DST: variants seen among roughly 807,000 people sequenced by gnomAD.
DST encodes the protein dystonin.
Under a neutral mutation model 875.2 loss-of-function variants are expected in DST, and 253 were observed. The ratio of observed to expected loss-of-function variants is 0.29; its 90% confidence interval spans 0.26 to 0.32. The LOEUF (loss-of-function observed/expected upper bound fraction) is 0.32, where lower values mean the gene tolerates loss of function less well. DST is among the 10% of genes least tolerant of loss of function. The pLI is 1.00. For missense variants in DST, 8,287 were observed against 9,111.6 expected (o/e 0.91, Z 3.68); for synonymous variants, 3,124 against 3,197.1 (o/e 0.98, Z 0.77).
At chr6:56,471,558 T>G (rs1260951904) in intron 94 of DST, among the ~76,000 whole-genome samples, 1 of 152,188 alleles carries the variant, frequency 6.6e-6, no homozygotes, top group Non-Finnish European at 1.5e-5. Context: ...CCACTAGTCA[T>G]GCTCACTGGG....
chr6:56,777,085 G>C (rs1336638448), intron 4 of DST, among the ~76,000 whole-genome samples: 1 of 152,144 alleles, frequency 6.6e-6, no homozygotes, highest in Admixed American at 6.5e-5. Flanking sequence ...TCTTCATGCA[G>C]AGACAAAAAT....
At chr6:56,619,312 T>C (rs1400399341) in intron 36 of DST, 3 of 1,612,086 alleles carry the variant, frequency 1.9e-6, no homozygotes, top group Non-Finnish European at 2.5e-6. Flanking sequence ...CCTCTACTTT[T>C]TGTTTTAGCA....
intron 10 of DST, among the ~76,000 whole-genome samples, chr6:56,660,218 T>C (rs1200895309): frequency 6.6e-6 from 1 of 152,198 alleles, no homozygotes; most frequent in Non-Finnish European, 1.5e-5. Context: ...GTGCTTCCTG[T>C]GTGGGGACAT....
chr6:56,544,518 C>T (rs2097190645), intron 61 of DST, among the ~76,000 whole-genome samples: 1 of 151,978 alleles, frequency 6.6e-6, no homozygotes, highest in Admixed American at 6.6e-5. Flanking sequence ...TTAAATGATT[C>T]AAAAAAATAG....
intron 3 of DST, among the ~76,000 whole-genome samples, chr6:56,885,443 C>T (rs1342566740): frequency 6.6e-6 from 1 of 152,056 alleles, no homozygotes; most frequent in African/African-American, 2.4e-5. Flanking sequence ...ACCAAGAGTG[C>T]ACAAGGGTAT....
At position 56,650,933 on chromosome 6, in the gene DST, C is replaced by T; in HGVS notation, c.1427G>A (p.Gly476Asp). The T allele has an allele frequency of 1.2e-6, 2 of 1,605,976 alleles. No individual in the cohort carries two copies. The highest frequency in any genetic ancestry group is 1.7e-6 in the Non-Finnish European group (2 of 1,173,310). Residue 476 changes from glycine to aspartate, a missense_variant, in exon 12 of 104, where the codon GGT (glycine) becomes GAT (aspartate). Coordinates refer to ENST00000680361, the MANE Select transcript of DST (RefSeq NM_001374736.1). ...GGAAAAATCAATACTCACATTTGCA[C>T]CAATGCCTTCCCCACCTTCAGGGAC... Reference protein sequence around the residue: ...PKVPEGGEGIGANDVEVKWIE... With the variant: ...PKVPEGGEGIDANDVEVKWIE...
intron 39 of DST, among the ~76,000 whole-genome samples, chr6:56,609,927 G>A (rs1019480581): frequency 6.6e-6 from 1 of 152,136 alleles, no homozygotes; most frequent in African/African-American, 2.4e-5. Flanking sequence ...GATATACACT[G>A]TCAAGTTTTA....
At chr6:56,738,605 A>T (rs2152933879) in intron 4 of DST, among the ~76,000 whole-genome samples, 1 of 149,820 alleles carries the variant, frequency 6.7e-6, no homozygotes, top group South Asian at 2.1e-4. Flanking sequence ...CAGGCGTGAG[A>T]CACCGAGTCT....
At chr6:56,494,210 C>G in intron 82 of DST, 30 bp from the exon 83 acceptor site, 1 of 1,549,140 alleles carries the variant, frequency 6.5e-7, no homozygotes, top group East Asian at 2.3e-5. Context: ...AGTTATATCA[C>G]TTTAAGAAAG....
chr6:56,576,848 G>C (rs2097872950), intron 50 of DST, among the ~76,000 whole-genome samples: 1 of 152,106 alleles, frequency 6.6e-6, no homozygotes, highest in South Asian at 2.1e-4. Flanking sequence ...CTGGCAGCCT[G>C]TTCTCTGATT....
At chr6:56,615,053 T>A (rs1327385855) in intron 36 of DST, 2 of 1,003,588 alleles carry the variant, frequency 2.0e-6, no homozygotes, top group Non-Finnish European at 2.4e-6. Flanking sequence ...TTTTCATTTT[T>A]TGAAGCAATC....
rs112280321 is a variant in DST at position 56,526,746 on chromosome 6, G to C, written c.17923-179C>G. Among the ~76,000 whole-genome samples, 1,464 of 147,214 alleles carry C rather than the reference G, an allele frequency of 9.9e-3. 26 individuals are homozygous for C. The highest frequency in any genetic ancestry group is 0.034 in the African/African-American group (1,348 of 39,888). On this transcript the variant is annotated intron_variant, in intron 68 of 103. Coordinates refer to ENST00000680361, the MANE Select transcript of DST (RefSeq NM_001374736.1). The stretch of plus-strand genomic sequence containing the variant: ...TTTATCTAAAGCTATTTTGCAAAAA[G>C]AAAAATGTTTCCTGAGAAGTTCAAA...
At chr6:56,903,239 G>T (rs1245905056) in intron 2 of DST, among the ~76,000 whole-genome samples, 1 of 152,120 alleles carries the variant, frequency 6.6e-6, no homozygotes. Context: ...TTGCTTAACT[G>T]GTATTATTAC....
In DST at chr6:56,872,080, T is replaced by C. The variant is rs865921946; in HGVS notation, c.418-20476A>G. Among the ~76,000 whole-genome samples, 57 of 152,154 alleles carry C rather than the reference T, an allele frequency of 3.7e-4. 1 individual carries two copies. The Middle Eastern group carries it at 0.014, about 36-fold the overall frequency. On this transcript the variant is annotated intron_variant, in intron 3 of 103. Transcript: ENST00000680361. ...TGATCCAGTAATTCCACTAAGCATATACACAAGAAAAACTGCACATGAACA... is the reference window on the plus strand; with the variant it reads ...TGATCCAGTAATTCCACTAAGCATACACACAAGAAAAACTGCACATGAACA...
At chr6:56,476,370 C>G in intron 91 of DST, 33 bp from the exon 92 acceptor site, 1 of 1,501,718 alleles carries the variant, frequency 6.7e-7, no homozygotes, top group Non-Finnish European at 8.9e-7. Context: ...TCTGAATTTC[C>G]TCCAACTTAG....
At chr6:56,639,839 G>A in intron 19 of DST, 66 bp from the exon 20 acceptor site, 1 of 1,580,446 alleles carries the variant, frequency 6.3e-7, no homozygotes, top group Non-Finnish European at 8.7e-7. Flanking sequence ...CACACTTAAT[G>A]TATCTATTAT....
intron 9 of DST, among the ~76,000 whole-genome samples, chr6:56,698,935 T>C (rs1467213158): frequency 6.6e-6 from 1 of 152,200 alleles, no homozygotes; most frequent in African/African-American, 2.4e-5. Context: ...ACCCAATAGG[T>C]AGTTTTTCAG....
intron 58 of DST, 119 bp downstream of exon 58, chr6:56,560,175 A>C (rs570642059): frequency 5.8e-6 from 6 of 1,041,592 alleles, no homozygotes; most frequent in Admixed American, 6.9e-5. Context: ...TAGATTCTGA[A>C]ACATTAAAGC....
chr6:56,944,609 TG>T (rs1818463424), intron 2 of DST, among the ~76,000 whole-genome samples: 1 of 152,158 alleles, frequency 6.6e-6, no homozygotes, highest in African/African-American at 2.4e-5. Context: ...ATAAGAAGTG[TG>T]GACAAATGGT....
Sources: allele counts gnomAD v4.1 joint callset (sites outside exome capture counted in the v4.1 genomes callset), GRCh38; gene constraint gnomAD v4.1.1; transcripts MANE v1.5; gene names NCBI Gene and HGNC (gene_info 2026-07-23, HGNC 2026-07-21).